PALLD: variants seen among roughly 807,000 people sequenced by gnomAD.
PALLD encodes palladin.
In PALLD, 61 loss-of-function variants were observed where a neutral mutation model predicts 123.5. That is an observed-to-expected ratio of 0.49 (90% CI 0.40 to 0.61). The LOEUF (loss-of-function observed/expected upper bound fraction) is 0.61, where lower values mean the gene tolerates loss of function less well. Among genes scored for constraint, PALLD ranks in the 20% least tolerant of loss-of-function variants. The pLI is 0.00. For missense variants in PALLD, 1,273 were observed against 1,377.0 expected, an observed-to-expected ratio of 0.92 and a Z score of 1.20; for synonymous variants, 465 against 496.4, an observed-to-expected ratio of 0.94 and a Z score of 0.84.
chr4:168,514,882 T>C (rs1762851126), intron 2 of PALLD, among the ~76,000 whole-genome samples: 1 of 152,200 alleles, frequency 6.6e-6, no homozygotes, highest in Non-Finnish European at 1.5e-5. Flanking sequence ...ATTTGGTGAT[T>C]CTAGGGGTCA....
chr4:168,811,281 G>A (rs558629027), intron 10 of PALLD, among the ~76,000 whole-genome samples: 61 of 152,300 alleles, frequency 4.0e-4, no homozygotes, highest in African/African-American at 1.4e-3. Flanking sequence ...CAGTACTGCC[G>A]TCATACCTGT....
chr4:168,912,872 C>T (rs1269713906), intron 15 of PALLD, among the ~76,000 whole-genome samples: 1 of 152,104 alleles, frequency 6.6e-6, no homozygotes, highest in Non-Finnish European at 1.5e-5. Flanking sequence ...TCTCCCCGAC[C>T]CCACCACCCC....
intron 1 of PALLD, among the ~76,000 whole-genome samples, chr4:168,510,752 T>C (rs1222823141): frequency 6.6e-6 from 1 of 152,208 alleles, no homozygotes; most frequent in Non-Finnish European, 1.5e-5. Context: ...ATTTCCATCA[T>C]CTTTGGCTGG....
intron 6 of PALLD, among the ~76,000 whole-genome samples, chr4:168,689,893 G>T (rs1782458694): frequency 6.6e-6 from 1 of 152,162 alleles, no homozygotes; most frequent in Non-Finnish European, 1.5e-5. Flanking sequence ...AAGTATAAAA[G>T]CTTTACTTCT....
intron 10 of PALLD, among the ~76,000 whole-genome samples, chr4:168,766,513 A>G (rs1733678152): frequency 6.6e-6 from 1 of 152,188 alleles, no homozygotes; most frequent in African/African-American, 2.4e-5. Flanking sequence ...ATTCCCTGGG[A>G]GCACCCAAGG....
chr4:168,658,217 T>C (rs2149959559), intron 2 of PALLD, among the ~76,000 whole-genome samples: 1 of 152,230 alleles, frequency 6.6e-6, no homozygotes, highest in South Asian at 2.1e-4. Flanking sequence ...GCAGCACAGA[T>C]ATTTAGTAGA....
intron 2 of PALLD, among the ~76,000 whole-genome samples, chr4:168,629,821 A>G (rs527840956): frequency 1.3e-5 from 2 of 152,304 alleles, no homozygotes; most frequent in South Asian, 4.1e-4. Flanking sequence ...AACAGCTGCC[A>G]CCCAAAAGGC....
intron 10 of PALLD, among the ~76,000 whole-genome samples, chr4:168,780,275 G>A (rs560594458): frequency 1.5e-4 from 23 of 152,236 alleles, no homozygotes; most frequent in African/African-American, 5.3e-4. Context: ...TTTTCCCTTA[G>A]GCAGGGCATG....
chr4:168,812,118 G>A (rs748185763), intron 10 of PALLD, among the ~76,000 whole-genome samples: 2 of 152,146 alleles, frequency 1.3e-5, no homozygotes, highest in Non-Finnish European at 2.9e-5. Flanking sequence ...GATGACTGAT[G>A]AGAAACATAT....
chr4:168,894,275 C>T, intron 11 of PALLD: 21 of 364,602 alleles, frequency 5.8e-5, no homozygotes, highest in South Asian at 1.5e-4. Flanking sequence ...TCTTTTTTTC[C>T]ATGTTTTTCA....
intron 4 of PALLD, 147 bp from the exon 5 acceptor site, chr4:168,682,851 A>G: frequency 1.7e-6 from 1 of 595,582 alleles, no homozygotes; most frequent in Non-Finnish European, 3.0e-6. Context: ...TTGTGGAAGC[A>G]ATTACAGTTG....
intron 10 of PALLD, among the ~76,000 whole-genome samples, chr4:168,752,641 T>A (rs1731212824): frequency 6.6e-6 from 1 of 152,234 alleles, no homozygotes. Context: ...TTATTCTGTT[T>A]CCACAGAGAA....
chr4:168,666,869 G>A (rs1186489549), intron 2 of PALLD, among the ~76,000 whole-genome samples: 1 of 152,130 alleles, frequency 6.6e-6, no homozygotes, highest in African/African-American at 2.4e-5. Context: ...GAGACTGGAG[G>A]ATGACTCTGG....
intron 2 of PALLD, among the ~76,000 whole-genome samples, chr4:168,582,806 T>C (rs1770423605): frequency 6.6e-6 from 1 of 152,186 alleles, no homozygotes; most frequent in Non-Finnish European, 1.5e-5. Flanking sequence ...CCTTTTAATA[T>C]GCTATGAATT....
chr4:168,554,492 G>A (rs149028130), intron 2 of PALLD, among the ~76,000 whole-genome samples: 10 of 152,260 alleles, frequency 6.6e-5, no homozygotes, highest in Admixed American at 6.5e-4. Context: ...CAGCCAATCC[G>A]TGGTCACCAC....
intron 10 of PALLD, among the ~76,000 whole-genome samples, chr4:168,729,172 C>G (rs982443548): frequency 6.6e-6 from 1 of 152,072 alleles, no homozygotes; most frequent in African/African-American, 2.4e-5. Flanking sequence ...AGGAAGACAC[C>G]AGCTGAATTC....
rs956286844 is a variant in PALLD at position 168,543,555 on chromosome 4, C to CA, written c.908+31154dup. Among the ~76,000 whole-genome samples the CA allele has an allele frequency of 2.2e-3, 303 of 135,772 alleles. 2 individuals carry two copies. The highest frequency in any genetic ancestry group is 7.2e-3 in the African/African-American group (262 of 36,382). 89.1% of individuals were successfully genotyped at this position (135,772 alleles called of 152,430 possible). A position where few individuals can be genotyped will look rare whatever the true frequency, so the allele number is the denominator to read the frequency against. ...TGATTGAATGCAAATGGCAGGAGGG[C>CA]AAAAAAAAAAATTAAATGAAGTAAA... On this transcript the variant is annotated intron_variant, in intron 2 of 21. Coordinates refer to ENST00000505667, the MANE Select transcript of PALLD (RefSeq NM_001166108.2).
chr4:168,594,331 A>G (rs898158855), intron 2 of PALLD, among the ~76,000 whole-genome samples: 2 of 152,200 alleles, frequency 1.3e-5, no homozygotes, highest in African/African-American at 4.8e-5. Context: ...AAAGCTTAGA[A>G]TAAGCTTTAC....
chr4:168,516,634 T>A (rs1763014799), intron 2 of PALLD, among the ~76,000 whole-genome samples: 1 of 152,116 alleles, frequency 6.6e-6, no homozygotes, highest in Non-Finnish European at 1.5e-5. Flanking sequence ...GAGACTGGAG[T>A]ATAACTCAGC....
Sources: allele counts gnomAD v4.1 joint callset (sites outside exome capture counted in the v4.1 genomes callset), GRCh38; gene constraint gnomAD v4.1.1; transcripts MANE v1.5; gene names NCBI Gene and HGNC (gene_info 2026-07-23, HGNC 2026-07-21).